Variants in GMEB1 observed in about 807,000 individuals in gnomAD.
GMEB1 encodes glucocorticoid modulatory element-binding protein 1.
Under a neutral mutation model 52.4 loss-of-function variants are expected in GMEB1, and 6 were observed. The observed-to-expected ratio is 0.11, with a 90% CI of 0.06 to 0.23. The LOEUF (loss-of-function observed/expected upper bound fraction) is 0.23, where lower values mean the gene tolerates loss of function less well. Among genes scored for constraint, GMEB1 ranks in the 10% least tolerant of loss-of-function variants. The pLI, the probability that GMEB1 is intolerant of heterozygous loss-of-function variation, is 1.00. For synonymous variants in GMEB1, 255 were observed against 244.9 expected, an observed-to-expected ratio of 1.04 and a Z score of -0.38; for missense variants, 486 against 685.6, an observed-to-expected ratio of 0.71 and a Z score of 3.25.
intron 6 of GMEB1, among the ~76,000 whole-genome samples, chr1:28,698,754 C>T (rs932520206): frequency 1.4e-4 from 21 of 151,740 alleles, no homozygotes; most frequent in African/African-American, 2.9e-4. Context: ...GAGGCTGAGG[C>T]GGGAGGATCA....
intron 8 of GMEB1, among the ~76,000 whole-genome samples, chr1:28,705,316 C>T (rs1242597782): frequency 2.0e-5 from 3 of 151,544 alleles, no homozygotes; most frequent in Non-Finnish European, 4.4e-5. Context: ...ATTGCTGAAC[C>T]CAAGAGGTGG....
At chr1:28,682,956 T>C (rs1669463079) in intron 1 of GMEB1, among the ~76,000 whole-genome samples, 1 of 152,196 alleles carries the variant, frequency 6.6e-6, no homozygotes, top group Admixed American at 6.6e-5. Context: ...AGCTGTCAAC[T>C]TAGTGTCACT....
chr1:28,691,503 G>A (rs1014076895), intron 3 of GMEB1, 82 bp from the exon 4 acceptor site: 2 of 1,010,324 alleles, frequency 2.0e-6, no homozygotes, highest in South Asian at 2.0e-5. Flanking sequence ...GTCCCTTAGA[G>A]GAACCAGGAG....
chr1:28,673,871 C>A (rs1181124019), intron 1 of GMEB1, among the ~76,000 whole-genome samples: 1 of 151,760 alleles, frequency 6.6e-6, no homozygotes, highest in African/African-American at 2.4e-5. Context: ...AGAAATTAGG[C>A]CAGGCGTGGT....
Position 28,691,598 on chromosome 1 carries a change from A to G in GMEB1, c.225A>G (p.Ile75Met). 1 of 1,559,206 alleles carries G rather than the reference A, an allele frequency of 6.4e-7. No homozygotes were observed. The highest frequency in any genetic ancestry group is 8.7e-7 in the Non-Finnish European group (1 of 1,143,326). ...TTCTGTTTTCAGATACAGGCACTAT[A>G]GAAGCAAATGAGGATATGGAAATTG... is the stretch of plus-strand genomic sequence containing the variant. ...KIEEGIDTGT[I>M]EANEDMEIAY... Residue 75 changes from isoleucine to methionine, a missense_variant, in exon 4 of 10, where the codon ATA becomes ATG. Ile to Met is a conservative substitution (Grantham distance 10). Around this residue, in one of 5 missense-constraint regions of GMEB1, gnomAD observed 88 missense variants for 96.5 expected, o/e 0.91. Transcript: ENST00000373816.
chr1:28,703,145 A>G (rs1670595780), intron 7 of GMEB1, among the ~76,000 whole-genome samples: 4 of 152,184 alleles, frequency 2.6e-5, no homozygotes, highest in Admixed American at 2.6e-4. Flanking sequence ...TTTTCTTCTG[A>G]TCAGACTGCC....
chr1:28,692,931 T>C lies in GMEB1; in HGVS notation c.337-11T>C. On this transcript the variant is annotated splice_polypyrimidine_tract_variant and intron_variant, in intron 4 of 9. Coordinates refer to ENST00000373816, the MANE Select transcript of GMEB1 (RefSeq NM_001319674.2). ...ACATTAGACTCTTTGGACTTTTCTT[T>C]TTACTTTTAGTTCAATGATCAGTTG... 1 of 1,540,572 alleles carries C rather than the reference T, an allele frequency of 6.5e-7. No homozygotes were observed. The highest frequency in any genetic ancestry group is 2.3e-5 in the East Asian group (1 of 44,016).
intron 7 of GMEB1, among the ~76,000 whole-genome samples, 174 bp from the exon 8 acceptor site, chr1:28,704,018 G>C (rs1670634587): frequency 6.6e-6 from 1 of 151,984 alleles, no homozygotes; most frequent in South Asian, 2.1e-4. Context: ...GACATAATTG[G>C]GTGCCCACTC....
At chr1:28,714,010 C>T in intron 9 of GMEB1, 63 bp from the exon 10 acceptor site, 1 of 1,223,556 alleles carries the variant, frequency 8.2e-7, no homozygotes, top group South Asian at 1.4e-5. Flanking sequence ...TCTCCTGACT[C>T]TCAGTTTAAT....
chr1:28,696,821 A>G lies in GMEB1; in HGVS notation c.441-106A>G, dbSNP rs552453955. On this transcript the variant is annotated intron_variant, in intron 5 of 9. Transcript: ENST00000373816. Reference sequence around the variant, plus strand: ...CTTCTAACACTATTAGGTTTCACTAATCTACACAGTAGGCTCAGCAGTGTT... The same window carrying G: ...CTTCTAACACTATTAGGTTTCACTAGTCTACACAGTAGGCTCAGCAGTGTT... The G allele has an allele frequency of 1.5e-4, 127 of 834,622 alleles. 1 individual carries two copies. The highest frequency in any genetic ancestry group is 7.2e-4 in the Middle Eastern group (3 of 4,166). The allele number at this position is 834,622 out of a possible 1,614,324, so 51.7% of individuals were successfully genotyped here.
intron 8 of GMEB1, among the ~76,000 whole-genome samples, chr1:28,706,639 C>G (rs1490373381): frequency 6.7e-6 from 1 of 150,096 alleles, no homozygotes; most frequent in African/African-American, 2.4e-5. Flanking sequence ...TGAGATGAGA[C>G]CTTGTGTATT....
intron 1 of GMEB1, among the ~76,000 whole-genome samples, chr1:28,676,062 G>A (rs918634678): frequency 3.3e-5 from 5 of 152,152 alleles, no homozygotes; most frequent in Non-Finnish European, 7.3e-5. Flanking sequence ...CTCTCAGAAG[G>A]CTAGAGAAGA....
At chr1:28,670,585 C>T (rs939350994) in intron 1 of GMEB1, among the ~76,000 whole-genome samples, 23 of 152,146 alleles carry the variant, frequency 1.5e-4, no homozygotes, top group Admixed American at 2.6e-4. Context: ...TCCTCAGCCT[C>T]CCAGAGTACT....
Position 28,713,916 on chromosome 1 carries a change from G to GC in GMEB1, c.992-151dup, listed in dbSNP as rs1289518128. Reference sequence around the variant, plus strand: ...AGCCTAGGCAACATAACAAGACTCTGCCCCCCAAATAAGCACAAGAAAGAA... The same window carrying GC: ...AGCCTAGGCAACATAACAAGACTCTGCCCCCCCAAATAAGCACAAGAAAGAA... On this transcript the variant is annotated intron_variant, in intron 9 of 9. Transcript: ENST00000373816. Among the ~76,000 whole-genome samples, 8 of 152,220 alleles carry GC rather than the reference G, an allele frequency of 5.3e-5. No homozygotes were observed. In the East Asian group the frequency reaches 1.5e-3, roughly 29 times the overall value.
At position 28,691,597 on chromosome 1, in the gene GMEB1, T is replaced by G; in HGVS notation, c.224T>G (p.Ile75Arg). The G allele has an allele frequency of 6.4e-7, 1 of 1,557,820 alleles. No homozygotes were observed. Among genetic ancestry groups the G allele is most frequent in the South Asian group, 1.2e-5 (1 of 84,468 alleles). Residue 75 changes from isoleucine to arginine, a missense_variant, in exon 4 of 10, where the codon ATA (isoleucine) becomes AGA (arginine). By Grantham distance (97) the Ile-to-Arg change is moderately conservative. Coordinates refer to ENST00000373816, the MANE Select transcript of GMEB1 (RefSeq NM_001319674.2). ...TTTCTGTTTTCAGATACAGGCACTA[T>G]AGAAGCAAATGAGGATATGGAAATT... ...KIEEGIDTGT[I>R]EANEDMEIAY...
intron 9 of GMEB1, among the ~76,000 whole-genome samples, chr1:28,712,573 C>A (rs577534144): frequency 6.6e-6 from 1 of 152,250 alleles, no homozygotes; most frequent in East Asian, 1.9e-4. Flanking sequence ...GTAATCCCAG[C>A]ACTTTGGGAG....
intron 5 of GMEB1, 84 bp downstream of exon 5, chr1:28,693,129 T>C (rs903359775): frequency 4.2e-5 from 24 of 568,028 alleles, no homozygotes; most frequent in African/African-American, 4.2e-4. Flanking sequence ...CTCTTTAGGT[T>C]GACATTTTTA....
chr1:28,693,601 C>T (rs1050585921), intron 5 of GMEB1, among the ~76,000 whole-genome samples: 3 of 151,766 alleles, frequency 2.0e-5, no homozygotes, highest in Non-Finnish European at 4.4e-5. Flanking sequence ...ACTGCAACCT[C>T]GGCCTCCCGG....
At chr1:28,691,809 TTTA>T in intron 4 of GMEB1, 100 bp downstream of exon 4, 1 of 88,380 alleles carries the variant, frequency 1.1e-5, no homozygotes, top group Non-Finnish European at 2.4e-5. Flanking sequence ...ATCAGTTTTA[TTTA>T]TTTATTTATT....
Sources: allele counts gnomAD v4.1 joint callset (sites outside exome capture counted in the v4.1 genomes callset), GRCh38; gene constraint gnomAD v4.1.1; regional missense constraint gnomAD v4.1.1; transcripts MANE v1.5; gene names NCBI Gene and HGNC (gene_info 2026-07-23, HGNC 2026-07-21).